The following MPPED2 variants were observed in gnomAD, a reference collection of about 807,000 sequenced individuals.
MPPED2 encodes metallophosphoesterase MPPED2.
In MPPED2, 5 loss-of-function variants were observed where a neutral mutation model predicts 33.0. The ratio of observed to expected loss-of-function variants is 0.15; its 90% CI spans 0.08 to 0.32. The LOEUF (loss-of-function observed/expected upper bound fraction) is 0.32. Among genes scored for constraint, MPPED2 ranks in the 10% least tolerant of loss-of-function variants. MPPED2 has a pLI of 1.00. For missense variants in MPPED2, 275 were observed against 372.1 expected, an observed-to-expected ratio of 0.74 and a Z score of 2.15; for synonymous variants, 136 against 141.9, an observed-to-expected ratio of 0.96 and a Z score of 0.29.
chr11:30,394,592 A>G (rs543679226), intron 6 of MPPED2, among the ~76,000 whole-genome samples: 1 of 152,032 alleles, frequency 6.6e-6, no homozygotes, highest in Non-Finnish European at 1.5e-5. Flanking sequence ...TGTTTATTCA[A>G]CTTTTTACCC....
intron 2 of MPPED2, among the ~76,000 whole-genome samples, chr11:30,560,507 A>G (rs1956193915): frequency 6.6e-6 from 1 of 152,194 alleles, no homozygotes; most frequent in Non-Finnish European, 1.5e-5. Flanking sequence ...CCCCTACTGA[A>G]CCAATATCTT....
intron 4 of MPPED2, among the ~76,000 whole-genome samples, chr11:30,420,167 T>C (rs1449689625): frequency 6.6e-6 from 1 of 152,182 alleles, no homozygotes; most frequent in Non-Finnish European, 1.5e-5. Flanking sequence ...TCCTGGATTA[T>C]CTAGGTCGGC....
chr11:30,539,162 C>T (rs767418655), intron 2 of MPPED2, among the ~76,000 whole-genome samples: 1 of 152,152 alleles, frequency 6.6e-6, no homozygotes, highest in East Asian at 1.9e-4. Context: ...GACAGCCAAA[C>T]ATTTTCACTA....
chr11:30,444,002 C>A (rs558753789), intron 4 of MPPED2, among the ~76,000 whole-genome samples: 12 of 152,210 alleles, frequency 7.9e-5, no homozygotes, highest in African/African-American at 2.9e-4. Flanking sequence ...AAATAAATGT[C>A]TTTTTTGTGT....
chr11:30,411,488 G>A lies in MPPED2; in HGVS notation c.865C>T (p.Pro289Ser). 6.2e-7 allele frequency: 1 copy of A among 1,613,598 alleles called. No individual in the cohort carries two copies. Among genetic ancestry groups the A allele is most frequent in the Non-Finnish European group, 8.5e-7 (1 of 1,179,606 alleles). ...PTNPPIIFDL[P>S]NPQGS ...GAGCTTCAGGAACCCTGTGGGTTTGGAAGGTCAAATATAATTGGAGGGTTG... is the reference window on the plus strand; with the variant it reads ...GAGCTTCAGGAACCCTGTGGGTTTGAAAGGTCAAATATAATTGGAGGGTTG... Residue 289 changes from proline (P) to serine (S), a missense_variant, in exon 7 of 7, where the codon CCA becomes TCA. Transcript: ENST00000358117.
chr11:30,520,201 G>C (rs942844506), intron 3 of MPPED2, among the ~76,000 whole-genome samples: 13 of 151,990 alleles, frequency 8.6e-5, no homozygotes, highest in Non-Finnish European at 7.4e-5. Flanking sequence ...AATTTGAACA[G>C]CTAAAAAAAA....
intron 3 of MPPED2, among the ~76,000 whole-genome samples, chr11:30,515,284 G>T (rs995453896): frequency 6.6e-6 from 1 of 152,058 alleles, no homozygotes; most frequent in Non-Finnish European, 1.5e-5. Context: ...CCCCAATCCC[G>T]GCAATCCATT....
At chr11:30,512,329 A>G (rs1050176770) in intron 3 of MPPED2, among the ~76,000 whole-genome samples, 4 of 152,166 alleles carry the variant, frequency 2.6e-5, no homozygotes, top group Non-Finnish European at 4.4e-5. Context: ...CTCTGCCAAG[A>G]TGGCCCAGAT....
chr11:30,421,810 G>A (rs1418046308), intron 4 of MPPED2, among the ~76,000 whole-genome samples: 2 of 152,178 alleles, frequency 1.3e-5, no homozygotes, highest in African/African-American at 2.4e-5. Flanking sequence ...CTTAGTCTGT[G>A]TACTGTACAG....
At chr11:30,568,534 C>G (rs1436303342) in intron 2 of MPPED2, among the ~76,000 whole-genome samples, 2 of 152,130 alleles carry the variant, frequency 1.3e-5, no homozygotes, top group African/African-American at 4.8e-5. Flanking sequence ...GAACTAAAAT[C>G]CACTAATGAC....
intron 3 of MPPED2, among the ~76,000 whole-genome samples, chr11:30,509,076 A>G (rs1565137986): frequency 6.6e-6 from 1 of 152,128 alleles, no homozygotes; most frequent in Non-Finnish European, 1.5e-5. Flanking sequence ...TATAAGTCCT[A>G]TTTTTATTTT....
intron 3 of MPPED2, among the ~76,000 whole-genome samples, chr11:30,515,737 G>A (rs1953496212): frequency 6.6e-6 from 1 of 152,158 alleles, no homozygotes; most frequent in Non-Finnish European, 1.5e-5. Context: ...TTGTCTTCTT[G>A]ACAACCTTAC....
At chr11:30,487,614 G>A (rs1951797927) in intron 4 of MPPED2, among the ~76,000 whole-genome samples, 1 of 151,944 alleles carries the variant, frequency 6.6e-6, no homozygotes, top group Non-Finnish European at 1.5e-5. Context: ...CCAAGTAGCT[G>A]GGACTACAAG....
intron 2 of MPPED2, among the ~76,000 whole-genome samples, chr11:30,547,134 A>G (rs928582284): frequency 6.6e-6 from 1 of 152,206 alleles, no homozygotes; most frequent in Non-Finnish European, 1.5e-5. Context: ...CAGCTAGTAC[A>G]TGGCTGAGAA....
At chr11:30,434,415 G>A (rs1949226419) in intron 4 of MPPED2, among the ~76,000 whole-genome samples, 2 of 152,154 alleles carry the variant, frequency 1.3e-5, no homozygotes, top group Admixed American at 1.3e-4. Flanking sequence ...GATAAAAAGA[G>A]GAGTGCAGGG....
rs547862340 is a variant in MPPED2, at chr11:30,441,666, C to T, written c.537-24033G>A. ...ACTTTGTCCTTTAATTCAATCCCAA[C>T]TCTGAAAGTAGGAAACATTTCTAAA... is the stretch of plus-strand genomic sequence containing the variant. On this transcript the variant is annotated intron_variant, in intron 4 of 6. Transcript: ENST00000358117. Among the ~76,000 whole-genome samples the T allele has an allele frequency of 2.4e-4, 36 of 152,344 alleles. 1 individual carries two copies. In the South Asian group the frequency reaches 7.0e-3, roughly 30 times the overall value.
chr11:30,404,241 T>C (rs74341504), intron 6 of MPPED2, among the ~76,000 whole-genome samples: 1 of 152,206 alleles, frequency 6.6e-6, no homozygotes, highest in Admixed American at 6.5e-5. Context: ...TCCAGAGAGC[T>C]ATTTTGGATT....
chr11:30,422,308 A>G (rs1948649109), intron 4 of MPPED2, among the ~76,000 whole-genome samples: 1 of 152,206 alleles, frequency 6.6e-6, no homozygotes, highest in Non-Finnish European at 1.5e-5. Context: ...CTCTGAACAC[A>G]GCTGGCCAAA....
chr11:30,385,242 G>C (rs1947689455), exon 7 of MPPED2: 1 of 152,180 alleles, frequency 6.6e-6, no homozygotes, highest in Non-Finnish European at 1.5e-5. Context: ...AGATTCTCAA[G>C]GTACTAGTTT....
Sources: allele counts gnomAD v4.1 joint callset (sites outside exome capture counted in the v4.1 genomes callset), GRCh38; gene constraint gnomAD v4.1.1; transcripts MANE v1.5; gene names NCBI Gene and HGNC (gene_info 2026-07-23, HGNC 2026-07-21).